Variants in SFPQ observed in about 807,000 individuals in gnomAD.
SFPQ encodes splicing factor, proline- and glutamine-rich.
Under a neutral mutation model 72.9 loss-of-function variants are expected in SFPQ, and 11 were observed. That is an observed-to-expected ratio of 0.15 (90% confidence interval 0.09 to 0.25). The LOEUF (loss-of-function observed/expected upper bound fraction) is 0.25, where lower values mean the gene tolerates loss of function less well. Ranked by LOEUF, SFPQ falls within the 10% of genes least tolerant of loss-of-function variation. SFPQ has a pLI of 1.00. For missense variants in SFPQ, 847 were observed against 993.3 expected (o/e 0.85, Z 1.98); for synonymous variants, 506 against 367.3 (o/e 1.38, Z -4.32).
chr1:35,177,499 C>T (rs1639294629), intron 4 of SFPQ: 1 of 152,180 alleles, frequency 6.6e-6, no homozygotes, highest in Non-Finnish European at 1.5e-5. Context: ...ACCACAGGCA[C>T]ACACCACCAC....
chr1:35,183,592 GAA>G lies in SFPQ; in HGVS notation c.*862_*863del. 2 of 1,024,192 alleles carry G rather than the reference GAA, an allele frequency of 2.0e-6. No homozygotes were observed. Among genetic ancestry groups the G allele is most frequent in the Non-Finnish European group, 2.3e-6 (2 of 852,838 alleles). 63.4% of individuals were successfully genotyped at this position (1,024,192 alleles called of 1,614,324 possible). On this transcript the variant is annotated 3_prime_UTR_variant, in exon 10 of 10. Transcript: ENST00000357214. ...ATCTTTATAAATCACTTGAATACAT[GAA>G]AAGACTTCATGTTTAACATCTTTAA...
chr1:35,182,678 GA>G (rs1639518859), downstream of SFPQ: 1 of 985,292 alleles, frequency 1.0e-6, no homozygotes, highest in African/African-American at 1.7e-5. Flanking sequence ...GAAAAGAGGT[GA>G]AAAGGAGGAA....
downstream of SFPQ, chr1:35,180,194 CA>C (rs1639408687): frequency 9.5e-7 from 1 of 1,051,416 alleles, no homozygotes; most frequent in Non-Finnish European, 1.1e-6. Flanking sequence ...AGAGCAGAAA[CA>C]TTATACATGA....
chr1:35,179,208 G>A, downstream of SFPQ: 1 of 1,061,318 alleles, frequency 9.4e-7, no homozygotes, highest in Non-Finnish European at 1.1e-6. Context: ...GCAGGACTGT[G>A]GATCATGTCA....
At chr1:35,179,574 T>TA (rs967222248), downstream of SFPQ, 26 of 1,051,970 alleles carry the variant, frequency 2.5e-5, no homozygotes, top group African/African-American at 1.7e-4. Context: ...TTGAGTTTTT[T>TA]AAAAAAACCC....
chr1:35,187,452 C>T (rs959047995), intron 7 of SFPQ, among the ~76,000 whole-genome samples: 120 of 152,276 alleles, frequency 7.9e-4, no homozygotes, highest in African/African-American at 2.8e-3. Context: ...TATTCAAGGC[C>T]GGGAGCAGTG....
Position 35,184,153 on chromosome 1 carries a change from T to TA in SFPQ, c.*302dup, listed in dbSNP as rs796763714. On this transcript the variant is annotated 3_prime_UTR_variant, in exon 10 of 10. Transcript: ENST00000357214. ...ATTTTTCTATTTATTTGAAGCACAG[T>TA]AAAAAAAAAAAAATTGGTACACTTT... 61,368 of 729,464 alleles carry TA rather than the reference T, an allele frequency of 0.084. 1 individual carries two copies. Among genetic ancestry groups the TA allele is most frequent in the Non-Finnish European group, 0.091 (52,274 of 573,424 alleles). 45.2% of individuals were successfully genotyped at this position (729,464 alleles called of 1,614,324 possible).
In SFPQ at chr1:35,191,483, G is replaced by C. The variant is rs768634298; in HGVS notation, c.875C>G (p.Thr292Ser). The stretch of plus-strand genomic sequence containing the variant: ...AAACAACCGACATCGCTGTGTGTAA[G>C]TTTTCTCTCCAGGCCTCCTCAAGAG... ...LSLLRRPGEK[T>S]YTQRCRLFVG... Residue 292 changes from threonine to serine, a missense_variant, in exon 2 of 10, where the codon ACT (threonine) becomes AGT (serine). This residue lies in a region of SFPQ where 35 missense variants were observed against 52.9 expected (regional missense o/e 0.66). Transcript: ENST00000357214. 1.2e-6 allele frequency: 2 copies of C among 1,614,130 alleles called. No individual in the cohort carries two copies. Among genetic ancestry groups the C allele is most frequent in the South Asian group, 2.2e-5 (2 of 91,086 alleles).
At position 35,191,332 on chromosome 1, in the gene SFPQ, T is replaced by A. The variant is rs765279481; in HGVS notation, c.1017+9A>T. 2 of 1,610,766 alleles carry A rather than the reference T, an allele frequency of 1.2e-6. No individual in the cohort carries two copies. Among genetic ancestry groups the A allele is most frequent in the African/African-American group, 1.3e-5 (1 of 74,754 alleles). On this transcript the variant is annotated intron_variant, in intron 2 of 9. Transcript: ENST00000357214. ...TTAATTCTACGTAAAATCAAACAATTACACTCACAAGCTTAATAAATCCGA... is the reference window on the plus strand; with the variant it reads ...TTAATTCTACGTAAAATCAAACAATAACACTCACAAGCTTAATAAATCCGA...
At position 35,192,638 on chromosome 1, in the gene SFPQ, T is replaced by G; in HGVS notation, c.412A>C (p.Thr138Pro). 7.3e-7 allele frequency: 1 copy of G among 1,374,176 alleles called. No individual in the cohort carries two copies. 85.1% of individuals were successfully genotyped at this position (1,374,176 alleles called of 1,614,324 possible). ...SSSAPPATPP[T>P]SGAPPGSGPG... ...CCGGACCCTGGCGGGGCCCCCGAGG[T>G]TGGTGGAGTGGCGGGCGGGGCCGAG... Residue 138 changes from threonine to proline, a missense_variant, in exon 1 of 10, where the codon ACC becomes CCC. Physicochemically the swap from Thr to Pro is conservative, Grantham distance 38 (BLOSUM62 -1). Coordinates refer to ENST00000357214, the MANE Select transcript of SFPQ (RefSeq NM_005066.3).
intron 4 of SFPQ, among the ~76,000 whole-genome samples, chr1:35,189,932 C>T (rs1639912273): frequency 6.6e-6 from 1 of 151,814 alleles, no homozygotes; most frequent in Admixed American, 6.6e-5. Context: ...GCCTGGGAAA[C>T]AACAGCGAAA....
At position 35,183,213 on chromosome 1, in the gene SFPQ, T is replaced by G; in HGVS notation, c.*1243A>C. The G allele has an allele frequency of 9.9e-7, 1 of 1,005,848 alleles. No homozygotes were observed. Among genetic ancestry groups the G allele is most frequent in the Non-Finnish European group, 1.2e-6 (1 of 840,842 alleles). 62.3% of individuals were successfully genotyped at this position (1,005,848 alleles called of 1,614,324 possible). A position where few individuals can be genotyped will look rare whatever the true frequency, so the allele number is the denominator to read the frequency against. ...AAATGTATATATAACTAAACCTACT[T>G]CAGTACTAAACCTTTTTTTTTTTTT... is the stretch of plus-strand genomic sequence containing the variant. On this transcript the variant is annotated 3_prime_UTR_variant, in exon 10 of 10. Transcript: ENST00000357214.
chr1:35,185,100 T>G lies in SFPQ; in HGVS notation c.1987-507A>C, dbSNP rs1242460014. Among the ~76,000 whole-genome samples the G allele has an allele frequency of 3.9e-5, 6 of 152,250 alleles. No homozygotes were observed. The East Asian group carries it at 1.2e-3, about 29-fold the overall frequency. ...GTGCTTTTCAAGATCTTAAGACACATCTGCTAAGTTGCAGAAATCTTAAAA... is the reference window on the plus strand; with the variant it reads ...GTGCTTTTCAAGATCTTAAGACACAGCTGCTAAGTTGCAGAAATCTTAAAA... On this transcript the variant is annotated intron_variant, in intron 9 of 9. Transcript: ENST00000357214.
In SFPQ at chr1:35,189,143, A is replaced by G. The variant is rs1163346601; in HGVS notation, c.1612+43T>C. The stretch of plus-strand genomic sequence containing the variant: ...TAACAAGGTTCTAATAAGGTGAAAA[A>G]CAATTGACCTTAGCAATGATGTTCA... On this transcript the variant is annotated intron_variant, in intron 5 of 9. Transcript: ENST00000357214. The G allele has an allele frequency of 6.8e-6, 11 of 1,613,324 alleles. 1 individual carries two copies. The Admixed American group carries it at 1.8e-4, about 27-fold the overall frequency.
chr1:35,186,913 C>T, intron 9 of SFPQ, 88 bp downstream of exon 9: 1 of 1,400,708 alleles, frequency 7.1e-7, no homozygotes, highest in Non-Finnish European at 9.7e-7. Context: ...CAGTCACCTA[C>T]TTAAAAAAAC....
Position 35,183,526 on chromosome 1 carries a change from AACCTTCTTACTTTC to A in SFPQ, c.*916_*929del. ...GCCACCGCGCCCGGCCCAGTTACTA[AACCTTCTTACTTTC>A]AAGTTTTGTTTTTTAGACTACACCC... On this transcript the variant is annotated 3_prime_UTR_variant, in exon 10 of 10. Coordinates refer to ENST00000357214, the MANE Select transcript of SFPQ (RefSeq NM_005066.3). The A allele has an allele frequency of 9.9e-7, 1 of 1,014,046 alleles. No individual in the cohort carries two copies. The highest frequency in any genetic ancestry group is 1.2e-6 in the Non-Finnish European group (1 of 846,408). The allele number at this position is 1,014,046 out of a possible 1,614,324, so 62.8% of individuals were successfully genotyped here. A position where few individuals can be genotyped will look rare whatever the true frequency, so the allele number is the denominator to read the frequency against.
chr1:35,180,468 G>A (rs897667582), downstream of SFPQ: 212 of 1,049,716 alleles, frequency 2.0e-4, no homozygotes, highest in African/African-American at 3.2e-3. Context: ...ACATGTATTC[G>A]ACTGTAGTCA....
chr1:35,192,108 C>T, intron 1 of SFPQ, 114 bp downstream of exon 1: 3 of 895,316 alleles, frequency 3.4e-6, no homozygotes, highest in Non-Finnish European at 4.4e-6. Context: ...CAGCGGCGCG[C>T]GCAAGCGCCC....
Position 35,183,930 on chromosome 1 carries a change from T to C in SFPQ, c.*526A>G. The C allele has an allele frequency of 5.7e-6, 6 of 1,050,600 alleles. No homozygotes were observed. Among genetic ancestry groups the C allele is most frequent in the Non-Finnish European group, 6.9e-6 (6 of 869,872 alleles). 65.1% of individuals were successfully genotyped at this position (1,050,600 alleles called of 1,614,324 possible). On this transcript the variant is annotated 3_prime_UTR_variant, in exon 10 of 10. Transcript: ENST00000357214. ...CTATATGCCAAACAAATCATCAAACTACTTCAATATGCATTTCTTCTTTTT... is the reference window on the plus strand; with the variant it reads ...CTATATGCCAAACAAATCATCAAACCACTTCAATATGCATTTCTTCTTTTT...
Sources: allele counts gnomAD v4.1 joint callset (sites outside exome capture counted in the v4.1 genomes callset), GRCh38; gene constraint gnomAD v4.1.1; regional missense constraint gnomAD v4.1.1; transcripts MANE v1.5; gene names NCBI Gene and HGNC (gene_info 2026-07-23, HGNC 2026-07-21).